Variants in C10orf53 observed in about 807,000 individuals in gnomAD.
C10orf53 encodes the protein chromosome 10 open reading frame 53, also known as UPF0728 protein C10orf53.
In C10orf53, 8 loss-of-function variants were observed where a neutral mutation model predicts 9.4. The ratio of observed to expected loss-of-function variants is 0.85; its 90% CI spans 0.50 to 1.53. The LOEUF is 1.53. Ranked by LOEUF, C10orf53 falls within the 40% of genes most tolerant of loss-of-function variation. The probability of loss-of-function intolerance (pLI) is 0.00; values close to 1 mark genes in which losing one functional copy is unlikely to be tolerated. For synonymous variants in C10orf53, 48 were observed against 46.0 expected (o/e 1.04, Z -0.18); for missense variants, 117 against 117.8 (o/e 0.99, Z 0.03).
At chr10:49,691,888 G>A (rs962968496) in intron 1 of C10orf53, among the ~76,000 whole-genome samples, 2 of 152,228 alleles carry the variant, frequency 1.3e-5, no homozygotes, top group Non-Finnish European at 2.9e-5. Flanking sequence ...ACTGCCGAGT[G>A]GCAGCACCTT....
chr10:49,694,375 G>A, intron 2 of C10orf53, 163 bp from the exon 3 acceptor site: 2 of 1,009,532 alleles, frequency 2.0e-6, no homozygotes. Context: ...GTGCTCAGAA[G>A]TTAAAGCTTT....
At chr10:49,694,118 C>A in intron 2 of C10orf53, 1 of 635,122 alleles carries the variant, frequency 1.6e-6, no homozygotes, top group Non-Finnish European at 2.7e-6. Context: ...ACATTGGAAA[C>A]AGGAAGGAAA....
intron 1 of C10orf53, among the ~76,000 whole-genome samples, chr10:49,680,049 C>A (rs1472765734): frequency 6.6e-6 from 1 of 152,258 alleles, no homozygotes; most frequent in Non-Finnish European, 1.5e-5. Flanking sequence ...GAAAAAATTA[C>A]ATAACCCTGC....
At chr10:49,686,668 C>G (rs573103357) in intron 1 of C10orf53, among the ~76,000 whole-genome samples, 1 of 152,134 alleles carries the variant, frequency 6.6e-6, no homozygotes, top group African/African-American at 2.4e-5. Flanking sequence ...GACTGAAATA[C>G]GCCCTGGTCT....
chr10:49,709,306 C>T (rs542858968), exon 3 of C10orf53: 1 of 152,448 alleles, frequency 6.6e-6, no homozygotes, highest in East Asian at 1.9e-4. Flanking sequence ...CAGCTACATC[C>T]AGCTTCTGGG....
At chr10:49,690,003 A>G (rs1840568312) in intron 1 of C10orf53, among the ~76,000 whole-genome samples, 1 of 152,178 alleles carries the variant, frequency 6.6e-6, no homozygotes, top group Non-Finnish European at 1.5e-5. Context: ...CTGGGAAGCC[A>G]TTGAATGTGC....
At chr10:49,682,275 TA>T (rs1487963704) in intron 1 of C10orf53, among the ~76,000 whole-genome samples, 8 of 152,180 alleles carry the variant, frequency 5.3e-5, no homozygotes, top group Admixed American at 2.6e-4. Context: ...GTCCAGAATT[TA>T]TTCCTTCTGG....
At chr10:49,684,322 A>T (rs948541672) in intron 1 of C10orf53, among the ~76,000 whole-genome samples, 2 of 152,066 alleles carry the variant, frequency 1.3e-5, no homozygotes, top group Non-Finnish European at 2.9e-5. Flanking sequence ...TTTTCTCAAG[A>T]TTGTTTTATC....
At chr10:49,688,310 A>T (rs1187794994) in intron 1 of C10orf53, among the ~76,000 whole-genome samples, 1 of 151,886 alleles carries the variant, frequency 6.6e-6, no homozygotes, top group East Asian at 1.9e-4. Context: ...CTGTCAACAC[A>T]ATTTGTCAGC....
rs1024581784 is a variant in C10orf53 at position 49,694,749 on chromosome 10, G to A, written c.*147G>A. The stretch of plus-strand genomic sequence containing the variant: ...AACTCGGGCCTGACCTCCAGCTTAC[G>A]CAGCCTCAGGATTGTCACCTGGCTG... On this transcript the variant is annotated 3_prime_UTR_variant, in exon 3 of 3. Coordinates refer to ENST00000374111, the MANE Select transcript of C10orf53 (RefSeq NM_001042427.3). The A allele has an allele frequency of 4.7e-5, 68 of 1,446,770 alleles. No individual in the cohort carries two copies. Among genetic ancestry groups the A allele is most frequent in the East Asian group, 2.2e-4 (9 of 40,698 alleles). The allele number at this position is 1,446,770 out of a possible 1,614,324, so 89.6% of individuals were successfully genotyped here.
downstream of C10orf53, among the ~76,000 whole-genome samples, chr10:49,697,727 T>G (rs1840647887): frequency 6.6e-6 from 1 of 152,110 alleles, no homozygotes; most frequent in Non-Finnish European, 1.5e-5. Flanking sequence ...AATTTTTGTG[T>G]TTTTAGTAAA....
chr10:49,708,332 G>A, intron 2 of C10orf53: 1 of 1,608,352 alleles, frequency 6.2e-7, no homozygotes, highest in Non-Finnish European at 8.5e-7. Context: ...TCTTGATGCT[G>A]CTTTCTTCTC....
At chr10:49,694,377 T>C (rs1840614122) in intron 2 of C10orf53, 161 bp from the exon 3 acceptor site, 2 of 1,026,260 alleles carry the variant, frequency 1.9e-6, no homozygotes, top group Admixed American at 5.0e-5. Context: ...GCTCAGAAGT[T>C]AAAGCTTTGC....
intron 1 of C10orf53, among the ~76,000 whole-genome samples, chr10:49,685,631 T>C (rs1472899157): frequency 6.6e-6 from 1 of 152,178 alleles, no homozygotes; most frequent in Non-Finnish European, 1.5e-5. Flanking sequence ...AGGTTCTTGT[T>C]TTTTTCCTTT....
downstream of C10orf53, among the ~76,000 whole-genome samples, chr10:49,700,969 T>C (rs1299694499): frequency 6.6e-6 from 1 of 152,126 alleles, no homozygotes; most frequent in Non-Finnish European, 1.5e-5. Context: ...CTGCCACTTG[T>C]ACCCTGAACC....
chr10:49,682,692 C>A (rs1288631379), intron 1 of C10orf53, among the ~76,000 whole-genome samples: 2 of 152,100 alleles, frequency 1.3e-5, no homozygotes, highest in African/African-American at 4.8e-5. Flanking sequence ...TTACAGAGTG[C>A]TGATTGGTGC....
intron 1 of C10orf53, among the ~76,000 whole-genome samples, chr10:49,689,670 C>T (rs1840563210): frequency 6.6e-6 from 1 of 152,126 alleles, no homozygotes; most frequent in South Asian, 2.1e-4. Flanking sequence ...AAATCCTACA[C>T]AGCGCTGAAG....
chr10:49,688,943 G>A (rs1172141114), intron 1 of C10orf53, among the ~76,000 whole-genome samples: 2 of 152,158 alleles, frequency 1.3e-5, no homozygotes, highest in East Asian at 1.9e-4. Flanking sequence ...ACCTACCTCA[G>A]CACGCACTCA....
downstream of C10orf53, among the ~76,000 whole-genome samples, chr10:49,698,467 G>A (rs1336861628): frequency 1.3e-5 from 2 of 152,086 alleles, no homozygotes; most frequent in African/African-American, 4.8e-5. Context: ...AATCACACTG[G>A]GATTTGTTAC....
Sources: gnomAD v4.1 joint callset for allele counts (sites outside exome capture counted in the v4.1 genomes callset) on GRCh38, gnomAD v4.1.1 for gene constraint, MANE v1.5 for transcripts, NCBI Gene and HGNC (gene_info 2026-07-23, HGNC 2026-07-21) for gene names.